The following DCBLD2 variants were observed in gnomAD, a reference collection of about 807,000 sequenced individuals.
DCBLD2 encodes the protein discoidin, CUB and LCCL domain-containing protein 2.
In DCBLD2, 54 loss-of-function variants were observed where a neutral mutation model predicts 86.8. The observed-to-expected ratio is 0.62, with a 90% CI of 0.50 to 0.78. The LOEUF is 0.78. Among genes scored for constraint, DCBLD2 ranks in the 30% least tolerant of loss-of-function variants. The pLI is 0.00. For synonymous variants in DCBLD2, 354 were observed against 341.3 expected (o/e 1.04, Z -0.41); for missense variants, 908 against 954.2 (o/e 0.95, Z 0.64).
In DCBLD2 at chr3:98,881,542, A is replaced by G; in HGVS notation, c.431T>C (p.Ile144Thr). 1.2e-6 allele frequency: 2 copies of G among 1,613,398 alleles called. No individual in the cohort carries two copies. Among genetic ancestry groups the G allele is most frequent in the Non-Finnish European group, 1.7e-6 (2 of 1,179,622 alleles). Residue 144 changes from isoleucine (I) to threonine (T), a missense_variant and splice_region_variant, in exon 2 of 16, where the codon ATA becomes ACA. Ile to Thr is a moderately conservative substitution (Grantham distance 89). Around this residue, in one of 3 missense-constraint regions of DCBLD2, gnomAD observed 294 missense variants for 256.0 expected, o/e 1.15. Coordinates refer to ENST00000326840, the MANE Select transcript of DCBLD2 (RefSeq NM_080927.4). ...ACATTTACAAAAAAAAGTCCTACCTATTTCAGTTCTGCTGACTCCAATTCC... is the reference window on the plus strand; with the variant it reads ...ACATTTACAAAAAAAAGTCCTACCTGTTTCAGTTCTGCTGACTCCAATTCC... The part of the protein sequence containing the change: ...YNGIGVSRTE[I>T]GKYCGLGLQM...
Position 98,855,720 on chromosome 3 carries a change from A to C in DCBLD2, c.434-6122T>G, listed in dbSNP as rs550158631. On this transcript the variant is annotated intron_variant, in intron 2 of 15. Transcript: ENST00000326840. ...GGTAACCAAACGGTCTTGATAGAAA[A>C]ATTTATAGCATTCAGATGGGCTGAA... Among the ~76,000 whole-genome samples, 19 of 152,308 alleles carry C rather than the reference A, an allele frequency of 1.2e-4. 1 individual carries two copies. The South Asian group carries it at 3.9e-3, about 32-fold the overall frequency.
chr3:98,835,801 T>C (rs9754601), intron 3 of DCBLD2, among the ~76,000 whole-genome samples: 257 of 151,950 alleles, frequency 1.7e-3, no homozygotes, highest in Admixed American at 6.4e-3. Flanking sequence ...TCACCTACCT[T>C]GGCCTCCCAA....
intron 6 of DCBLD2, among the ~76,000 whole-genome samples, chr3:98,821,872 C>T (rs1479777526): frequency 6.6e-6 from 1 of 152,062 alleles, no homozygotes; most frequent in Non-Finnish European, 1.5e-5. Flanking sequence ...ATGGTGAAAC[C>T]CCGCCTCTAC....
intron 2 of DCBLD2, among the ~76,000 whole-genome samples, chr3:98,872,913 A>G (rs1943304923): frequency 6.6e-6 from 1 of 152,206 alleles, no homozygotes; most frequent in Non-Finnish European, 1.5e-5. Context: ...TAGACATTAA[A>G]AATATTTGCA....
intron 2 of DCBLD2, among the ~76,000 whole-genome samples, chr3:98,874,351 C>T (rs1483227969): frequency 2.6e-5 from 4 of 152,086 alleles, no homozygotes. Flanking sequence ...GAAACATAAT[C>T]CAATGCCACA....
At chr3:98,869,114 A>G (rs572230143) in intron 2 of DCBLD2, among the ~76,000 whole-genome samples, 1 of 152,248 alleles carries the variant, frequency 6.6e-6, no homozygotes, top group African/African-American at 2.4e-5. Context: ...CTGCGCCAAC[A>G]TCTATTGTTT....
intron 3 of DCBLD2, among the ~76,000 whole-genome samples, chr3:98,844,723 T>A (rs910644368): frequency 2.6e-5 from 4 of 152,168 alleles, no homozygotes; most frequent in Non-Finnish European, 5.9e-5. Context: ...CTTACTGTGG[T>A]AGGTTCTGCC....
At position 98,863,814 on chromosome 3, in the gene DCBLD2, A is replaced by G. The variant is rs139098490; in HGVS notation, c.434-14216T>C. On this transcript the variant is annotated intron_variant, in intron 2 of 15. Coordinates refer to ENST00000326840, the MANE Select transcript of DCBLD2 (RefSeq NM_080927.4). The stretch of plus-strand genomic sequence containing the variant: ...GGACATAGGCATGGACTTCATGTCT[A>G]AAACACCAAAAGCAATGGCAACAAA... Among the ~76,000 whole-genome samples, 1,068 of 152,308 alleles carry G rather than the reference A, an allele frequency of 7.0e-3. 8 individuals carry two copies. The highest frequency in any genetic ancestry group is 0.019 in the African/African-American group (799 of 41,566).
chr3:98,893,617 T>G (rs1394801210), intron 1 of DCBLD2, among the ~76,000 whole-genome samples: 1 of 152,156 alleles, frequency 6.6e-6, no homozygotes, highest in Non-Finnish European at 1.5e-5. Context: ...GATTACCATT[T>G]AGAAAGCTCG....
At chr3:98,896,019 C>A (rs1943744971) in intron 1 of DCBLD2, among the ~76,000 whole-genome samples, 1 of 152,194 alleles carries the variant, frequency 6.6e-6, no homozygotes, top group Non-Finnish European at 1.5e-5. Flanking sequence ...CAACAAAAGC[C>A]TTGCAGGGAA....
intron 1 of DCBLD2, among the ~76,000 whole-genome samples, chr3:98,900,035 A>G (rs1576211644): frequency 6.6e-6 from 1 of 152,232 alleles, no homozygotes; most frequent in African/African-American, 2.4e-5. Context: ...GAGTTACTCT[A>G]TATAGAAACG....
intron 1 of DCBLD2, among the ~76,000 whole-genome samples, chr3:98,891,028 A>C (rs1267187329): frequency 6.6e-6 from 1 of 152,072 alleles, no homozygotes; most frequent in Non-Finnish European, 1.5e-5. Context: ...ACAACAGTAA[A>C]AATGTCAGAC....
chr3:98,799,453 C>T lies in DCBLD2; in HGVS notation c.2247G>A (p.Val749=), dbSNP rs774857214. 3.7e-6 allele frequency: 6 copies of T among 1,614,002 alleles called. No individual in the cohort carries two copies. Among genetic ancestry groups the T allele is most frequent in the Non-Finnish European group, 5.1e-6 (6 of 1,179,884 alleles). The change falls in exon 16 of 16, where the codon GTG becomes GTA. Residue 749 remains valine, a synonymous_variant. Transcript: ENST00000326840. The part of the protein sequence containing the change: ...KPGLPAPDEL[V]YQVPQSTQEV... ...CTTGTGTGCTCTGTGGCACCTGGTA[C>T]ACCAATTCGTCTGGGGCAGGTAGAC...
intron 3 of DCBLD2, among the ~76,000 whole-genome samples, chr3:98,847,683 T>C (rs1397479874): frequency 1.3e-5 from 2 of 152,228 alleles, no homozygotes; most frequent in Non-Finnish European, 2.9e-5. Context: ...TAGGAGGTTC[T>C]TGAGAATCTC....
chr3:98,845,310 C>T (rs950790624), intron 3 of DCBLD2, among the ~76,000 whole-genome samples: 2 of 151,990 alleles, frequency 1.3e-5, no homozygotes, highest in African/African-American at 4.8e-5. Context: ...AGATACAACC[C>T]GGGCATTACT....
At chr3:98,872,342 G>A (rs1943293508) in intron 2 of DCBLD2, among the ~76,000 whole-genome samples, 1 of 152,120 alleles carries the variant, frequency 6.6e-6, no homozygotes. Flanking sequence ...ACAGTGGGTT[G>A]TTATAAAGCA....
chr3:98,867,958 G>T (rs138731281), intron 2 of DCBLD2, among the ~76,000 whole-genome samples: 2,538 of 151,996 alleles, frequency 0.017, 56 homozygotes, highest in African/African-American at 0.057. Flanking sequence ...GCCTGCCACC[G>T]CGCCCGGCTA....
chr3:98,891,494 C>A (rs908461515), intron 1 of DCBLD2, among the ~76,000 whole-genome samples: 1 of 151,986 alleles, frequency 6.6e-6, no homozygotes, highest in Admixed American at 6.6e-5. Flanking sequence ...ATCTTTTCTC[C>A]CTCTAATCCA....
chr3:98,887,106 C>T (rs1278014510), intron 1 of DCBLD2, among the ~76,000 whole-genome samples: 1 of 151,600 alleles, frequency 6.6e-6, no homozygotes, highest in East Asian at 1.9e-4. Context: ...AAATTATTTC[C>T]TTTAACAGCA....
Sources: allele counts gnomAD v4.1 joint callset (sites outside exome capture counted in the v4.1 genomes callset), GRCh38; gene constraint gnomAD v4.1.1; regional missense constraint gnomAD v4.1.1; transcripts MANE v1.5; gene names NCBI Gene and HGNC (gene_info 2026-07-23, HGNC 2026-07-21).